Variants in SYNE2 observed in about 807,000 individuals in gnomAD.
SYNE2 encodes the protein nesprin-2.
Under a neutral mutation model 856.3 loss-of-function variants are expected in SYNE2, and 431 were observed. The observed-to-expected ratio is 0.50, with a 90% CI of 0.47 to 0.55. The LOEUF (loss-of-function observed/expected upper bound fraction) is 0.55. SYNE2 is among the 20% of genes least tolerant of loss of function. SYNE2 has a pLI of 0.00. For synonymous variants in SYNE2, 2,923 were observed against 2,872.3 expected (o/e 1.02, Z -0.56); for missense variants, 8,129 against 8,023.2 (o/e 1.01, Z -0.50).
intron 32 of SYNE2, 147 bp from the exon 33 acceptor site, chr14:64,016,326 A>T (rs2096891634): frequency 1.8e-6 from 1 of 570,396 alleles, no homozygotes; most frequent in African/African-American, 1.9e-5. Flanking sequence ...GGGACGATAA[A>T]AACGTACTTT....
At chr14:64,161,247 G>A (rs923631751) in intron 87 of SYNE2, among the ~76,000 whole-genome samples, 1 of 151,848 alleles carries the variant, frequency 6.6e-6, no homozygotes, top group African/African-American at 2.4e-5. Context: ...TGGGGGCTGA[G>A]ATGGGAGGAT....
intron 2 of SYNE2, among the ~76,000 whole-genome samples, chr14:63,918,275 T>A (rs2095555739): frequency 6.6e-6 from 1 of 152,246 alleles, no homozygotes; most frequent in South Asian, 2.1e-4. Flanking sequence ...ACACTCTGAA[T>A]TGGAGGTCAT....
chr14:63,948,610 G>T (rs1249296928), intron 6 of SYNE2, among the ~76,000 whole-genome samples: 2 of 148,870 alleles, frequency 1.3e-5, no homozygotes, highest in Non-Finnish European at 3.0e-5. Flanking sequence ...GCAGTGAGCC[G>T]AGATTGCACC....
intron 82 of SYNE2, among the ~76,000 whole-genome samples, chr14:64,143,142 C>G (rs1205815808): frequency 6.6e-6 from 1 of 152,196 alleles, no homozygotes; most frequent in Admixed American, 6.5e-5. Flanking sequence ...CTAGCACATA[C>G]CACATGACTG....
intron 95 of SYNE2, among the ~76,000 whole-genome samples, chr14:64,176,219 T>C (rs1298329847): frequency 6.6e-6 from 1 of 152,204 alleles, no homozygotes; most frequent in Non-Finnish European, 1.5e-5. Flanking sequence ...AAATACCCTA[T>C]AGTTGAAAAT....
At chr14:64,024,819 A>G in intron 39 of SYNE2, 93 bp from the exon 40 acceptor site, 1 of 1,324,362 alleles carries the variant, frequency 7.6e-7, no homozygotes, top group Admixed American at 1.8e-5. Flanking sequence ...TATTATAAAA[A>G]CCTGGTTGAG....
Position 64,052,358 on chromosome 14 carries a change from C to T in SYNE2, c.8445C>T (p.Tyr2815=). The change falls in exon 48 of 116, where the codon TAC becomes TAT. Residue 2815 remains tyrosine, a synonymous_variant. Coordinates refer to ENST00000555002, the MANE Select transcript of SYNE2 (RefSeq NM_182914.3). The part of the protein sequence containing the change: ...NNTLEDLRNQ[Y]QMLVLKSTQR... ...CCCTAGAGGACTTACGGAATCAATA[C>T]CAAATGCTGGTTTTAAAATCAACTC... 1 of 1,614,068 alleles carries T rather than the reference C, an allele frequency of 6.2e-7. No homozygotes were observed. The highest frequency in any genetic ancestry group is 8.5e-7 in the Non-Finnish European group (1 of 1,179,994).
intron 1 of SYNE2, among the ~76,000 whole-genome samples, chr14:63,876,134 T>C (rs553481177): frequency 1.3e-5 from 2 of 151,944 alleles, no homozygotes; most frequent in African/African-American, 4.8e-5. Flanking sequence ...TTTAATCGGC[T>C]GGACGTGGTG....
chr14:63,792,581 A>G (rs1401517599), intron 1 of SYNE2, among the ~76,000 whole-genome samples: 1 of 152,150 alleles, frequency 6.6e-6, no homozygotes, highest in African/African-American at 2.4e-5. Flanking sequence ...TGGAATAACT[A>G]TATTTATATC....
At chr14:64,045,121 AG>A (rs1332052258) in intron 45 of SYNE2, among the ~76,000 whole-genome samples, 2 of 152,264 alleles carry the variant, frequency 1.3e-5, no homozygotes, top group East Asian at 3.9e-4. Context: ...CCACAAGCAA[AG>A]GACCTTTTAC....
chr14:63,862,912 C>G (rs1358467816), intron 1 of SYNE2, among the ~76,000 whole-genome samples: 2 of 152,014 alleles, frequency 1.3e-5, no homozygotes. Flanking sequence ...ATTCTACTGC[C>G]TCAGCCTCCT....
At chr14:64,129,757 T>A (rs1277011431) in intron 74 of SYNE2, 25 bp from the exon 75 acceptor site, 5 of 1,613,888 alleles carry the variant, frequency 3.1e-6, no homozygotes, top group Non-Finnish European at 4.2e-6. Context: ...AAGGGTTTTC[T>A]TTTCTTGTAT....
intron 1 of SYNE2, among the ~76,000 whole-genome samples, chr14:63,818,102 T>C (rs958728887): frequency 7.3e-5 from 11 of 150,790 alleles, no homozygotes; most frequent in African/African-American, 2.4e-4. Flanking sequence ...TCCCAGCACT[T>C]TGGGAGGCCG....
At chr14:64,152,269 C>A (rs888196987) in intron 84 of SYNE2, among the ~76,000 whole-genome samples, 1 of 152,152 alleles carries the variant, frequency 6.6e-6, no homozygotes, top group Admixed American at 6.5e-5. Flanking sequence ...TGACTTATGC[C>A]TGGTCAAACA....
chr14:64,196,564 A>C (rs2098541510), intron 99 of SYNE2, among the ~76,000 whole-genome samples: 1 of 152,208 alleles, frequency 6.6e-6, no homozygotes, highest in Admixed American at 6.5e-5. Context: ...TTTCTTCTTT[A>C]AGAGGACAAG....
At chr14:64,097,199 C>G (rs1391285701) in intron 61 of SYNE2, among the ~76,000 whole-genome samples, 2 of 152,130 alleles carry the variant, frequency 1.3e-5, no homozygotes, top group Non-Finnish European at 2.9e-5. Context: ...AGTAACATCA[C>G]GAAGCTTGAG....
chr14:63,999,871 A>G (rs2096740683), intron 27 of SYNE2, among the ~76,000 whole-genome samples: 2 of 152,208 alleles, frequency 1.3e-5, no homozygotes, highest in Admixed American at 6.5e-5. Flanking sequence ...CTGAATAAGC[A>G]AAATTTATAT....
chr14:64,067,595 C>T (rs1426920339), intron 51 of SYNE2, among the ~76,000 whole-genome samples: 1 of 152,138 alleles, frequency 6.6e-6, no homozygotes, highest in Non-Finnish European at 1.5e-5. Flanking sequence ...TTAAACCTGT[C>T]ATCTATAGTA....
rs776776711 is a variant in SYNE2 at position 64,162,271 on chromosome 14, A to G, written c.16294A>G (p.Ile5432Val). 4 of 1,614,178 alleles carry G rather than the reference A, an allele frequency of 2.5e-6. No homozygotes were observed. The highest frequency in any genetic ancestry group is 3.3e-5 in the Admixed American group (2 of 60,030). ...GATCCTGCCCCCAGCCCTGCAGGAC[A>G]TAAAGGTGGGTACAAAGCCCATTTG... ...AEILPPALQD[I>V]KELQHDVQKT... Residue 5432 changes from isoleucine (I) to valine (V), a missense_variant, in exon 88 of 116, where the codon ATA (isoleucine) becomes GTA (valine). Coordinates refer to ENST00000555002, the MANE Select transcript of SYNE2 (RefSeq NM_182914.3).
Sources: gnomAD v4.1 joint callset for allele counts (sites outside exome capture counted in the v4.1 genomes callset) on GRCh38, gnomAD v4.1.1 for gene constraint, MANE v1.5 for transcripts, NCBI Gene and HGNC (gene_info 2026-07-23, HGNC 2026-07-21) for gene names.